NALF1: variants seen among roughly 807,000 people sequenced by gnomAD.
NALF1 encodes the protein family with sequence similarity 155 member A.
NALF1 carries 3 observed loss-of-function variants against 48.4 expected under a neutral mutation model. That is an observed-to-expected ratio of 0.06 (90% CI 0.03 to 0.16). The LOEUF is 0.16. Among genes scored for constraint, NALF1 ranks in the 10% least tolerant of loss-of-function variants. The pLI, the probability that NALF1 is intolerant of heterozygous loss-of-function variation, is 1.00. For synonymous variants in NALF1, 262 were observed against 245.7 expected, an observed-to-expected ratio of 1.07 and a Z score of -0.62; for missense variants, 526 against 571.5, an observed-to-expected ratio of 0.92 and a Z score of 0.81.
rs116376348 is a variant in NALF1 at position 107,366,909 on chromosome 13, T to A, written c.916-156154A>T. On this transcript the variant is annotated intron_variant, in intron 1 of 2. Coordinates refer to ENST00000375915, the MANE Select transcript of NALF1 (RefSeq NM_001080396.3). The stretch of plus-strand genomic sequence containing the variant: ...ATACTTTTAAGATCCGAACTGGGTA[T>A]CCTACAAGGGCTTCTAGTCATACGC... Among the ~76,000 whole-genome samples, 810 of 152,310 alleles carry A rather than the reference T, an allele frequency of 5.3e-3. 9 individuals are homozygous for A. Among genetic ancestry groups the A allele is most frequent in the African/African-American group, 0.019 (771 of 41,570 alleles).
At chr13:107,273,226 C>A (rs911490965) in intron 1 of NALF1, among the ~76,000 whole-genome samples, 1 of 152,166 alleles carries the variant, frequency 6.6e-6, no homozygotes, top group Non-Finnish European at 1.5e-5. Context: ...GTTATGTTTC[C>A]CCAAGTCCAT....
intron 1 of NALF1, among the ~76,000 whole-genome samples, chr13:107,688,036 T>TA (rs1286085380): frequency 2.0e-5 from 3 of 152,202 alleles, no homozygotes; most frequent in Admixed American, 6.5e-5. Context: ...CAATATTAAC[T>TA]AAAAAAATTC....
intron 1 of NALF1, among the ~76,000 whole-genome samples, chr13:107,319,348 A>G (rs568116538): frequency 5.9e-5 from 9 of 152,090 alleles, no homozygotes; most frequent in Non-Finnish European, 1.2e-4. Flanking sequence ...GGAGGTATTC[A>G]GGGAAAGACC....
chr13:107,383,321 ATGAGC>A (rs1249295903), intron 1 of NALF1, among the ~76,000 whole-genome samples: 1 of 152,200 alleles, frequency 6.6e-6, no homozygotes, highest in Non-Finnish European at 1.5e-5. Context: ...TAACCTGAAA[ATGAGC>A]TAGTCAAATT....
At chr13:107,607,029 A>G (rs1306674080) in intron 1 of NALF1, among the ~76,000 whole-genome samples, 3 of 152,170 alleles carry the variant, frequency 2.0e-5, no homozygotes, top group Non-Finnish European at 4.4e-5. Flanking sequence ...TATTATATTT[A>G]TACATTGGTG....
At chr13:107,507,048 T>C (rs1208929060) in intron 1 of NALF1, among the ~76,000 whole-genome samples, 3 of 152,286 alleles carry the variant, frequency 2.0e-5, no homozygotes, top group South Asian at 4.1e-4. Context: ...CTGAATTTCT[T>C]GTGTATGGCC....
chr13:107,553,495 C>T (rs1877359056), intron 1 of NALF1, among the ~76,000 whole-genome samples: 2 of 152,102 alleles, frequency 1.3e-5, no homozygotes, highest in Non-Finnish European at 2.9e-5. Context: ...ATTTTATCTT[C>T]GAATAAAACC....
chr13:107,349,121 G>A (rs78261174), intron 1 of NALF1, among the ~76,000 whole-genome samples: 1 of 152,180 alleles, frequency 6.6e-6, no homozygotes, highest in African/African-American at 2.4e-5. Context: ...TTGTGAAATA[G>A]GATTTCCTGG....
At chr13:107,429,230 G>A (rs755630764) in intron 1 of NALF1, among the ~76,000 whole-genome samples, 1 of 151,792 alleles carries the variant, frequency 6.6e-6, no homozygotes, top group Non-Finnish European at 1.5e-5. Context: ...GCTGAGTCAG[G>A]AGGATTGCCT....
At chr13:107,495,005 A>C (rs1003159697) in intron 1 of NALF1, among the ~76,000 whole-genome samples, 49 of 152,214 alleles carry the variant, frequency 3.2e-4, no homozygotes, top group African/African-American at 9.4e-4. Flanking sequence ...TTCCAAAAGG[A>C]CACCAATTCC....
At chr13:107,751,545 T>A (rs1414006801) in intron 1 of NALF1, among the ~76,000 whole-genome samples, 1 of 152,210 alleles carries the variant, frequency 6.6e-6, no homozygotes, top group African/African-American at 2.4e-5. Context: ...CTAAACAAAT[T>A]AGTTATTCCT....
At chr13:107,849,536 T>C (rs1365067747) in intron 1 of NALF1, among the ~76,000 whole-genome samples, 1 of 152,088 alleles carries the variant, frequency 6.6e-6, no homozygotes. Context: ...GCCCAAGGCC[T>C]CTCTATGAGG....
At chr13:107,181,464 G>C (rs575484300) in intron 2 of NALF1, among the ~76,000 whole-genome samples, 3 of 151,590 alleles carry the variant, frequency 2.0e-5, no homozygotes, top group South Asian at 2.1e-4. Context: ...TAAATTACTT[G>C]AGTGCTTTTT....
At chr13:107,595,885 C>A (rs1594149577) in intron 1 of NALF1, among the ~76,000 whole-genome samples, 1 of 152,088 alleles carries the variant, frequency 6.6e-6, no homozygotes. Flanking sequence ...CCCTTACTGG[C>A]ATAGTGTACC....
At chr13:107,269,125 G>A (rs890751670) in intron 1 of NALF1, among the ~76,000 whole-genome samples, 1 of 151,032 alleles carries the variant, frequency 6.6e-6, no homozygotes, top group Non-Finnish European at 1.5e-5. Context: ...ATCACACACT[G>A]CACTCCAGCC....
At chr13:107,499,279 C>T (rs1030584412) in intron 1 of NALF1, among the ~76,000 whole-genome samples, 8 of 152,108 alleles carry the variant, frequency 5.3e-5, no homozygotes, top group African/African-American at 1.9e-4. Context: ...TTATAGACCT[C>T]TGGAGTTGAT....
At chr13:107,276,488 T>A (rs1881283858) in intron 1 of NALF1, among the ~76,000 whole-genome samples, 1 of 152,048 alleles carries the variant, frequency 6.6e-6, no homozygotes, top group Admixed American at 6.5e-5. Flanking sequence ...TTTTGTAGAA[T>A]CGAACAATTA....
chr13:107,449,126 C>A (rs1884699859), intron 1 of NALF1, among the ~76,000 whole-genome samples: 1 of 152,170 alleles, frequency 6.6e-6, no homozygotes, highest in Non-Finnish European at 1.5e-5. Flanking sequence ...CACCTATAAT[C>A]CCAGCTACGC....
intron 1 of NALF1, among the ~76,000 whole-genome samples, chr13:107,453,849 T>A (rs1257304448): frequency 1.3e-5 from 2 of 152,316 alleles, no homozygotes; most frequent in South Asian, 2.1e-4. Context: ...AGCACCCAAG[T>A]CAGCTCTTGA....
Sources: allele counts gnomAD v4.1 joint callset (sites outside exome capture counted in the v4.1 genomes callset), GRCh38; gene constraint gnomAD v4.1.1; transcripts MANE v1.5; gene names NCBI Gene and HGNC (gene_info 2026-07-23, HGNC 2026-07-21).